CEP55: variants seen among roughly 807,000 people sequenced by gnomAD.
CEP55 encodes the protein centrosomal protein of 55 kDa.
CEP55 carries 57 observed loss-of-function variants against 63.2 expected under a neutral mutation model. The ratio of observed to expected loss-of-function variants is 0.90; its 90% CI spans 0.73 to 1.13. The LOEUF (loss-of-function observed/expected upper bound fraction) is 1.13. Among genes scored for constraint, CEP55 ranks in the 50% most tolerant of loss-of-function variants. The pLI is 0.00. For missense variants in CEP55, 456 were observed against 518.9 expected, an observed-to-expected ratio of 0.88 and a Z score of 1.18; for synonymous variants, 178 against 191.6, an observed-to-expected ratio of 0.93 and a Z score of 0.59.
chr10:93,507,368 G>A (rs542647707), intron 4 of CEP55, among the ~76,000 whole-genome samples: 5 of 151,344 alleles, frequency 3.3e-5, no homozygotes, highest in East Asian at 3.9e-4. Context: ...TTACAGGCAC[G>A]AGCCACCACA....
chr10:93,519,392 CCTT>C (rs879307824), intron 7 of CEP55, among the ~76,000 whole-genome samples: 2 of 152,202 alleles, frequency 1.3e-5, no homozygotes, highest in Admixed American at 1.3e-4. Context: ...TTTCCCTTCT[CCTT>C]CTTCCCCCTT....
intron 8 of CEP55, among the ~76,000 whole-genome samples, chr10:93,527,730 T>C (rs2057938368): frequency 6.6e-6 from 1 of 151,756 alleles, no homozygotes; most frequent in Non-Finnish European, 1.5e-5. Flanking sequence ...AAAATAGAAA[T>C]ATTATCTGGA....
intron 3 of CEP55, among the ~76,000 whole-genome samples, chr10:93,506,195 C>G (rs1422106080): frequency 6.6e-6 from 1 of 152,148 alleles, no homozygotes; most frequent in Non-Finnish European, 1.5e-5. Context: ...ACCCGCCTTG[C>G]CCTCCCAAAG....
chr10:93,508,442 C>T (rs1433623697), intron 4 of CEP55, among the ~76,000 whole-genome samples: 1 of 152,110 alleles, frequency 6.6e-6, no homozygotes, highest in African/African-American at 2.4e-5. Flanking sequence ...GATGTCTAGC[C>T]AGGTGCCAAG....
intron 1 of CEP55, among the ~76,000 whole-genome samples, chr10:93,497,260 T>G (rs143710073): frequency 2.0e-5 from 3 of 152,232 alleles, no homozygotes; most frequent in Non-Finnish European, 4.4e-5. Flanking sequence ...AACCAATCAT[T>G]TCTTTTCTTT....
chr10:93,506,654 A>G (rs2019344), intron 3 of CEP55, among the ~76,000 whole-genome samples: 114,597 of 152,030 alleles, frequency 0.75, 44,872 homozygotes, highest in South Asian at 0.87. Flanking sequence ...TGCAGCCTCC[A>G]CCTCCCGGGT....
chr10:93,517,290 A>G, intron 6 of CEP55, 42 bp downstream of exon 6: 1 of 1,493,940 alleles, frequency 6.7e-7, no homozygotes, highest in Non-Finnish European at 9.0e-7. Flanking sequence ...TTCACCGAAC[A>G]CTTTCTAAGT....
intron 8 of CEP55, among the ~76,000 whole-genome samples, chr10:93,521,148 A>T (rs1445623558): frequency 6.6e-6 from 1 of 152,124 alleles, no homozygotes; most frequent in East Asian, 1.9e-4. Flanking sequence ...AGGGTGAGGC[A>T]TCGCCTCACC....
chr10:93,515,292 C>A, intron 4 of CEP55, 113 bp from the exon 5 acceptor site: 1 of 903,098 alleles, frequency 1.1e-6, no homozygotes, highest in Non-Finnish European at 1.7e-6. Context: ...CAGAATTAGT[C>A]TATGAGCCAT....
At chr10:93,499,501 A>T (rs2057608657) in intron 1 of CEP55, among the ~76,000 whole-genome samples, 1 of 151,066 alleles carries the variant, frequency 6.6e-6, no homozygotes. Context: ...TACACAAAAC[A>T]TAAATGTACA....
In CEP55 at chr10:93,500,110, A is replaced by T; in HGVS notation, c.59A>T (p.Asn20Ile). 6.2e-7 allele frequency: 1 copy of T among 1,613,642 alleles called. No homozygotes were observed. Among genetic ancestry groups the T allele is most frequent in the Non-Finnish European group, 8.5e-7 (1 of 1,179,708 alleles). ...AGTAAGTGGGGATCGAAGCCTAGTA[A>T]CTCCAAATCCGAAACTACATTAGAA... ...IKSKWGSKPS[N>I]SKSETTLEKL... The change falls in exon 2 of 9, where the codon AAC (asparagine) becomes ATC (isoleucine). Residue 20 changes from asparagine (N) to isoleucine (I), a missense_variant. Physicochemically the swap from Asn to Ile is moderately radical, Grantham distance 149 (BLOSUM62 -3). Transcript: ENST00000371485.
rs111293847 is a variant in CEP55, at chr10:93,528,396, AC to A, written c.*244del. Reference sequence around the variant, plus strand: ...AATGTGGTGAGCAGCGTCTACTGAGACTACTAACATTTTGCACTGTCAAAAT... The same window carrying A: ...AATGTGGTGAGCAGCGTCTACTGAGATACTAACATTTTGCACTGTCAAAAT... On this transcript the variant is annotated 3_prime_UTR_variant, in exon 9 of 9. Coordinates refer to ENST00000371485, the MANE Select transcript of CEP55 (RefSeq NM_018131.5). The A allele has an allele frequency of 6.6e-3, 3,406 of 515,752 alleles. 49 individuals are homozygous for A. Among genetic ancestry groups the A allele is most frequent in the African/African-American group, 0.041 (2,143 of 51,824 alleles). 31.9% of individuals were successfully genotyped at this position (515,752 alleles called of 1,614,324 possible). A position where few individuals can be genotyped will look rare whatever the true frequency, so the allele number is the denominator to read the frequency against.
Position 93,517,045 on chromosome 10 carries a change from G to T in CEP55, c.790G>T (p.Glu264Ter), listed in dbSNP as rs770113021. 2 of 1,613,968 alleles carry T rather than the reference G, an allele frequency of 1.2e-6. No homozygotes were observed. The highest frequency in any genetic ancestry group is 1.7e-6 in the Non-Finnish European group (2 of 1,179,900). Residue 264 changes from glutamate to a stop codon, truncating the protein, a stop_gained, in exon 6 of 9, where the codon GAA becomes TAA. Coordinates refer to ENST00000371485, the MANE Select transcript of CEP55 (RefSeq NM_018131.5). LOFTEE classifies it high-confidence loss of function. Reference protein sequence around the residue: ...TITQLSFELSEFRRKYEETQK... With the variant: ...TITQLSFELS ...AACTCAGCTGAGTTTTGAACTGAGT[G>T]AATTTCGAAGAAAATATGAAGAAAC...
At chr10:93,520,153 C>T in intron 8 of CEP55, 2 of 303,192 alleles carry the variant, frequency 6.6e-6, no homozygotes, top group East Asian at 1.8e-4. Context: ...AAAGGCTGGG[C>T]ACGATGGCTT....
intron 8 of CEP55, among the ~76,000 whole-genome samples, chr10:93,521,441 G>C (rs1589658386): frequency 6.6e-6 from 1 of 152,156 alleles, no homozygotes; most frequent in African/African-American, 2.4e-5. Context: ...TAAACAAAGC[G>C]GCCGGGAAGC....
At chr10:93,524,802 C>T (rs1187034642) in intron 8 of CEP55, among the ~76,000 whole-genome samples, 64 of 152,234 alleles carry the variant, frequency 4.2e-4, no homozygotes, top group Admixed American at 1.3e-3. Flanking sequence ...AATCAATAAA[C>T]GTAATCCAGC....
intron 3 of CEP55, 148 bp downstream of exon 3, chr10:93,503,536 T>G: frequency 2.7e-6 from 2 of 736,964 alleles, no homozygotes; most frequent in Non-Finnish European, 4.3e-6. Context: ...TCACTTTTTT[T>G]AATAGCCCAG....
intron 3 of CEP55, among the ~76,000 whole-genome samples, chr10:93,505,712 A>C (rs2057681619): frequency 6.6e-6 from 1 of 152,184 alleles, no homozygotes; most frequent in South Asian, 2.1e-4. Context: ...ACTGAAATAC[A>C]GCTTTTTCTA....
At chr10:93,508,202 T>C (rs2057708019) in intron 4 of CEP55, among the ~76,000 whole-genome samples, 1 of 152,190 alleles carries the variant, frequency 6.6e-6, no homozygotes, top group Admixed American at 6.5e-5. Flanking sequence ...ATGGAATAAA[T>C]TGAGGACACA....
Sources: gnomAD v4.1 joint callset for allele counts (sites outside exome capture counted in the v4.1 genomes callset) on GRCh38, gnomAD v4.1.1 for gene constraint, MANE v1.5 for transcripts, NCBI Gene and HGNC (gene_info 2026-07-23, HGNC 2026-07-21) for gene names.